The following KHSRP variants were observed in gnomAD, a reference collection of about 807,000 sequenced individuals.
KHSRP encodes far upstream element-binding protein 2.
A neutral mutation model predicts 94.9 loss-of-function variants in KHSRP; 13 were observed. That is an observed-to-expected ratio of 0.14 (90% CI 0.09 to 0.22). The LOEUF (loss-of-function observed/expected upper bound fraction) is 0.22. Among genes scored for constraint, KHSRP ranks in the 10% least tolerant of loss-of-function variants. The pLI is 1.00. For missense variants in KHSRP, 710 were observed against 1,010.0 expected (o/e 0.70, Z 4.03); for synonymous variants, 495 against 401.4 (o/e 1.23, Z -2.79).
chr19:6,423,591 C>T (rs2092208203), intron 1 of KHSRP, among the ~76,000 whole-genome samples: 1 of 152,218 alleles, frequency 6.6e-6, no homozygotes, highest in Non-Finnish European at 1.5e-5. Flanking sequence ...CTAGAACCCA[C>T]CCAACTCCAA....
chr19:6,415,004 C>T lies in KHSRP; in HGVS notation c.*20G>A. ...GGGGACTCCCGGAGACCTCCGGCCA[C>T]ACGGCCCCCGCTGCAGGCATCAAGG... On this transcript the variant is annotated 3_prime_UTR_variant, in exon 19 of 19. Transcript: ENST00000600480. The T allele has an allele frequency of 6.9e-7, 1 of 1,451,926 alleles. No homozygotes were observed. The highest frequency in any genetic ancestry group is 1.4e-5 in the South Asian group (1 of 69,498). 89.9% of individuals were successfully genotyped at this position (1,451,926 alleles called of 1,614,324 possible). A position where few individuals can be genotyped will look rare whatever the true frequency, so the allele number is the denominator to read the frequency against.
chr19:6,417,423 G>A (rs1456853174), intron 11 of KHSRP, among the ~76,000 whole-genome samples: 1 of 152,238 alleles, frequency 6.6e-6, no homozygotes, highest in African/African-American at 2.4e-5. Context: ...ACTGGCAAGA[G>A]CCCAGAGCTG....
At position 6,422,405 on chromosome 19, in the gene KHSRP, G is replaced by A. The variant is rs780166015; in HGVS notation, c.281C>T (p.Thr94Met). The A allele has an allele frequency of 5.6e-6, 9 of 1,613,766 alleles. No homozygotes were observed. The highest frequency in any genetic ancestry group is 3.3e-5 in the South Asian group (3 of 91,082). Residue 94 changes from threonine to methionine, a missense_variant, in exon 2 of 19, where the codon ACG becomes ATG. Thr to Met is a moderately conservative substitution (Grantham distance 81, BLOSUM62 -1). Transcript: ENST00000600480. ...ATCAGGAGTGCTGTTATTCACTGTC[G>A]TGGCAGCATCGCCTCCAATTTTGGC... ...IAAKIGGDAA[T>M]TVNNSTPDFG...
chr19:6,417,692 GAGGGTGGGGGTGCACTGGCCAGGGGC>G (rs2092160210), intron 11 of KHSRP, 21 bp downstream of exon 11: 1 of 1,532,770 alleles, frequency 6.5e-7, no homozygotes, highest in Non-Finnish European at 9.0e-7. Context: ...GCCTCCCAAA[GAGGGTGGGGGTGCACTGGCCAGGGGC>G]AGGGTGGGCC....
rs1244589987 is a variant in KHSRP, at chr19:6,420,377, C to G, written c.475+45G>C. ...GGCAGGAGCTCACAGGACACTTCCT[C>G]CTGGGGAAGAGTGGGCCTCCCCACC... On this transcript the variant is annotated intron_variant, in intron 5 of 18. Coordinates refer to ENST00000600480, the MANE Select transcript of KHSRP (RefSeq NM_001366299.1). 5 of 1,594,664 alleles carry G rather than the reference C, an allele frequency of 3.1e-6. No homozygotes were observed. In the African/African-American group the frequency reaches 5.4e-5, roughly 17 times the overall value.
rs1262400653 is a variant in KHSRP, at chr19:6,415,160, G to A, written c.2108C>T (p.Thr703Met). The A allele has an allele frequency of 6.2e-6, 10 of 1,606,704 alleles. No homozygotes were observed. The highest frequency in any genetic ancestry group is 5.9e-6 in the Non-Finnish European group (7 of 1,179,010). Residue 703 changes from threonine (T) to methionine (M), a missense_variant, in exon 19 of 19, where the codon ACG (threonine) becomes ATG (methionine). Coordinates refer to ENST00000600480, the MANE Select transcript of KHSRP (RefSeq NM_001366299.1). ...PGPGGPQPPP[T>M]QQGQQQASGN... ...ACTTGCCTGCTGCTGTCCCTGCTGC[G>A]TGGGCGGCGGCTGGGGGCCGCCAGG...
At position 6,418,613 on chromosome 19, in the gene KHSRP, G is replaced by C; in HGVS notation, c.781-32C>G. The C allele has an allele frequency of 6.2e-7, 1 of 1,612,314 alleles. No individual in the cohort carries two copies. Among genetic ancestry groups the C allele is most frequent in the Non-Finnish European group, 8.5e-7 (1 of 1,178,344 alleles). On this transcript the variant is annotated intron_variant, in intron 8 of 18. Transcript: ENST00000600480. The surrounding 1 kb of genome is among the most constrained non-coding windows in gnomAD (Gnocchi z 4.3). Reference sequence around the variant, plus strand: ...AAGCAAGGTTAACCGTTAGTGCTGGGCTCTCCCAGGACTTCCTGGGCTGCT... The same window carrying C: ...AAGCAAGGTTAACCGTTAGTGCTGGCCTCTCCCAGGACTTCCTGGGCTGCT...
chr19:6,417,963 G>A lies in KHSRP; in HGVS notation c.978+18C>T. 1 of 1,611,902 alleles carries A rather than the reference G, an allele frequency of 6.2e-7. No individual in the cohort carries two copies. The highest frequency in any genetic ancestry group is 1.1e-5 in the South Asian group (1 of 90,962). ...CACTGGCGGGGGAGAGGGGGGTGAAGGCAGGGCCCACACTCACATCGATGC... is the reference window on the plus strand; with the variant it reads ...CACTGGCGGGGGAGAGGGGGGTGAAAGCAGGGCCCACACTCACATCGATGC... On this transcript the variant is annotated intron_variant, in intron 10 of 18. Coordinates refer to ENST00000600480, the MANE Select transcript of KHSRP (RefSeq NM_001366299.1).
chr19:6,413,936 G>T lies in KHSRP; in HGVS notation c.*1088C>A. On this transcript the variant is annotated 3_prime_UTR_variant, in exon 19 of 19. Coordinates refer to ENST00000600480, the MANE Select transcript of KHSRP (RefSeq NM_001366299.1). ...AGCATGTGAGACACAGAACAGGCGA[G>T]AGAGTGAGGGCCCGGCATGCCCCCA... 1.3e-6 allele frequency: 1 copy of T among 756,076 alleles called. No individual in the cohort carries two copies. The highest frequency in any genetic ancestry group is 2.0e-6 in the Non-Finnish European group (1 of 496,454). 46.8% of individuals were successfully genotyped at this position (756,076 alleles called of 1,614,324 possible).
At chr19:6,416,194 GC>G (rs538795278) in intron 15 of KHSRP, 103 bp downstream of exon 15, 3 of 926,064 alleles carry the variant, frequency 3.2e-6, no homozygotes, top group Admixed American at 2.9e-5. Flanking sequence ...GCTGGATGAG[GC>G]CCCCCGCCTG....
At chr19:6,416,960 G>T in intron 12 of KHSRP, 27 bp downstream of exon 12, 1 of 1,613,470 alleles carries the variant, frequency 6.2e-7, no homozygotes. Flanking sequence ...GGCCCTGCCA[G>T]CCCCTTCAGC....
chr19:6,419,265 A>G lies in KHSRP; in HGVS notation c.548-5T>C, dbSNP rs1411734190. 1 of 1,566,516 alleles carries G rather than the reference A, an allele frequency of 6.4e-7. No individual in the cohort carries two copies. Among genetic ancestry groups the G allele is most frequent in the Non-Finnish European group, 8.6e-7 (1 of 1,156,502 alleles). ...GCTCGGGTAGGCCACCGCTGTCTGA[A>G]AAGAGGAGATAGAGTCAGTGCCCTC... is the stretch of plus-strand genomic sequence containing the variant. On this transcript the variant is annotated splice_region_variant and splice_polypyrimidine_tract_variant and intron_variant, in intron 6 of 18. Transcript: ENST00000600480.
Position 6,422,373 on chromosome 19 carries a change from A to G in KHSRP, c.313T>C (p.Phe105Leu), listed in dbSNP as rs370436167. The change falls in exon 2 of 19, where the codon TTT becomes CTT. Residue 105 changes from phenylalanine to leucine, a missense_variant. Physicochemically the swap from Phe to Leu is conservative, Grantham distance 22. Transcript: ENST00000600480. ...TVNNSTPDFG[F>L]GGQKRQLEDG... ...TCCAACTGTCTCTTTTGGCCCCCAA[A>G]ACCAAAATCAGGAGTGCTGTTATTC... The G allele has an allele frequency of 1.3e-5, 21 of 1,613,702 alleles. No individual in the cohort carries two copies. The highest frequency in any genetic ancestry group is 9.9e-5 in the South Asian group (9 of 91,080).
chr19:6,417,694 G>C (rs374695332), intron 11 of KHSRP, 45 bp downstream of exon 11: 3 of 1,538,418 alleles, frequency 2.0e-6, no homozygotes, highest in Non-Finnish European at 1.8e-6. Flanking sequence ...CTCCCAAAGA[G>C]GGTGGGGGTG....
intron 1 of KHSRP, among the ~76,000 whole-genome samples, chr19:6,422,716 G>A (rs534841108): frequency 9.9e-4 from 151 of 152,224 alleles, no homozygotes; most frequent in Admixed American, 3.7e-3. Flanking sequence ...CACTGACTTC[G>A]TTCTAGGGGT....
chr19:6,420,904 C>T, intron 4 of KHSRP: 1 of 378,304 alleles, frequency 2.6e-6, no homozygotes, highest in Non-Finnish European at 4.8e-6. Context: ...GAGCCCTGAG[C>T]TCCACAGCAC....
At chr19:6,419,289 T>C in intron 6 of KHSRP, 29 bp from the exon 7 acceptor site, 1 of 1,539,350 alleles carries the variant, frequency 6.5e-7, no homozygotes, top group Non-Finnish European at 8.7e-7. Context: ...GTCAGTGCCC[T>C]CCCTGGCCCA....
At position 6,418,631 on chromosome 19, in the gene KHSRP, G is replaced by A. The variant is rs759300586; in HGVS notation, c.781-50C>T. The A allele has an allele frequency of 6.2e-7, 1 of 1,613,068 alleles. No individual in the cohort carries two copies. Among genetic ancestry groups the A allele is most frequent in the African/African-American group, 1.3e-5 (1 of 75,042 alleles). On this transcript the variant is annotated intron_variant, in intron 8 of 18. Coordinates refer to ENST00000600480, the MANE Select transcript of KHSRP (RefSeq NM_001366299.1). The surrounding 1 kb of genome is among the most constrained non-coding windows in gnomAD (Gnocchi z 4.3). ...GTGCTGGGCTCTCCCAGGACTTCCT[G>A]GGCTGCTGTGGTGGTGGCGGTGGGG...
intron 6 of KHSRP, 37 bp downstream of exon 6, chr19:6,420,036 T>C: frequency 6.6e-7 from 1 of 1,511,902 alleles, no homozygotes; most frequent in Non-Finnish European, 9.2e-7. Flanking sequence ...GGCCCAACCC[T>C]GGCCCCCACT....
Sources: allele counts gnomAD v4.1 joint callset (sites outside exome capture counted in the v4.1 genomes callset), GRCh38; gene constraint gnomAD v4.1.1; non-coding constraint Gnocchi (gnomAD v3.1); transcripts MANE v1.5; gene names NCBI Gene and HGNC (gene_info 2026-07-23, HGNC 2026-07-21).